Variants in TUSC3 observed in about 807,000 individuals in gnomAD.
The protein encoded by TUSC3 is dolichyl-diphosphooligosaccharide--protein glycosyltransferase subunit TUSC3.
A neutral mutation model predicts 44.8 loss-of-function variants in TUSC3; 45 were observed. The ratio of observed to expected loss-of-function variants is 1.00; its 90% confidence interval spans 0.79 to 1.29. The LOEUF (loss-of-function observed/expected upper bound fraction) is 1.29, where lower values mean the gene tolerates loss of function less well. TUSC3 is among the 50% of genes most tolerant of loss of function. The probability of loss-of-function intolerance (pLI) is 0.00; values close to 1 mark genes in which losing one functional copy is unlikely to be tolerated. For missense variants in TUSC3, 519 were observed against 437.9 expected (o/e 1.19, Z -1.65); for synonymous variants, 212 against 152.9 (o/e 1.39, Z -2.85).
At chr8:15,521,421 CT>C (rs1206808540) in intron 2 of TUSC3, among the ~76,000 whole-genome samples, 3 of 152,078 alleles carry the variant, frequency 2.0e-5, no homozygotes, top group Admixed American at 6.5e-5. Context: ...AAGGCACATC[CT>C]TTACAAGGAT....
chr8:15,508,443 G>A (rs1801087433), intron 2 of TUSC3, among the ~76,000 whole-genome samples: 1 of 145,092 alleles, frequency 6.9e-6, no homozygotes, highest in Non-Finnish European at 1.5e-5. Context: ...AGGTAGTTTA[G>A]GAATCGAAGC....
At chr8:15,763,407 T>G (rs1812231691) in intron 10 of TUSC3, among the ~76,000 whole-genome samples, 1 of 151,906 alleles carries the variant, frequency 6.6e-6, no homozygotes, top group African/African-American at 2.4e-5. Context: ...TGTTGTTTTT[T>G]GTTTTCTTTT....
chr8:15,483,353 T>C (rs2129124764), intron 1 of TUSC3: 1 of 232,436 alleles, frequency 4.3e-6, no homozygotes, highest in African/African-American at 2.3e-5. Context: ...TTGTTTTGTT[T>C]TTTTGAGACG....
intron 2 of TUSC3, among the ~76,000 whole-genome samples, chr8:15,502,513 C>T (rs12548417): frequency 0.24 from 36,655 of 151,710 alleles, 5,065 homozygotes; most frequent in Admixed American, 0.39. Flanking sequence ...TTGTTTGAGA[C>T]GGAGTCTCGC....
the TUSC3 span, among the ~76,000 whole-genome samples, chr8:15,785,932 T>G: frequency 2.6e-5 from 4 of 152,178 alleles, no homozygotes; most frequent in African/African-American, 9.6e-5. Context: ...AAAAAAGAAT[T>G]TCCAACACTA....
chr8:15,806,896 T>C, the TUSC3 span: 2 of 1,294,390 alleles, frequency 1.5e-6, no homozygotes, highest in Non-Finnish European at 2.2e-6. Context: ...AGTAAGACGC[T>C]TACATCTGTT....
In TUSC3 at chr8:15,529,821, C is replaced by T. The variant is rs1320766470; in HGVS notation, n.189+46338C>T. Among the ~76,000 whole-genome samples the T allele has an allele frequency of 4.5e-5, 5 of 110,366 alleles. 1 individual carries two copies. The highest frequency in any genetic ancestry group is 1.2e-4 in the African/African-American group (3 of 25,464). 72.4% of individuals were successfully genotyped at this position (110,366 alleles called of 152,430 possible). ...TTTTTTTTTTTTTGAGACGGAGTCT[C>T]GCTCTGTTGCCCAGGCCGGACTGCG... On this transcript the variant is annotated intron_variant and non_coding_transcript_variant, in intron 2 of 5. Coordinates refer to the TUSC3 transcript ENST00000503191.
At chr8:15,686,997 C>T (rs1032778050) in intron 6 of TUSC3, among the ~76,000 whole-genome samples, 1 of 152,022 alleles carries the variant, frequency 6.6e-6, no homozygotes, top group African/African-American at 2.4e-5. Flanking sequence ...GGCCTGAACC[C>T]GGGAGGCGGA....
intron 1 of TUSC3, among the ~76,000 whole-genome samples, chr8:15,478,185 C>G (rs1447693953): frequency 1.3e-5 from 2 of 152,110 alleles, no homozygotes; most frequent in African/African-American, 4.8e-5. Context: ...AGGCTGGTCT[C>G]AAAGTCCGGG....
At position 15,762,585 on chromosome 8, in the gene TUSC3, G is replaced by A. The variant is rs1264620344; in HGVS notation, c.*47-1618G>A. Among the ~76,000 whole-genome samples the A allele has an allele frequency of 2.6e-5, 4 of 151,990 alleles. No homozygotes were observed. In the South Asian group the frequency reaches 6.2e-4, roughly 24 times the overall value. On this transcript the variant is annotated intron_variant, in intron 10 of 10. Coordinates refer to ENST00000503731, the MANE Select transcript of TUSC3 (RefSeq NM_006765.4). ...TTAGCAGCAATAAAGATTACCTTTAGTGCTCCGTAACTTGAAATCTGCAGA... is the reference window on the plus strand; with the variant it reads ...TTAGCAGCAATAAAGATTACCTTTAATGCTCCGTAACTTGAAATCTGCAGA...
At chr8:15,716,712 G>A (rs1010460499) in intron 6 of TUSC3, among the ~76,000 whole-genome samples, 6 of 152,058 alleles carry the variant, frequency 3.9e-5, no homozygotes, top group African/African-American at 1.4e-4. Flanking sequence ...ACTGCTTACC[G>A]AAAAAGAAAA....
chr8:15,847,550 G>GC, the TUSC3 span, among the ~76,000 whole-genome samples: 2 of 152,074 alleles, frequency 1.3e-5, no homozygotes, highest in African/African-American at 2.4e-5. Context: ...CATTTTCTCT[G>GC]CCCCCCTCTC....
intron 1 of TUSC3, among the ~76,000 whole-genome samples, chr8:15,543,115 G>C (rs1801744488): frequency 6.6e-6 from 1 of 152,100 alleles, no homozygotes; most frequent in African/African-American, 2.4e-5. Flanking sequence ...GATAGCCCAG[G>C]GTTATTTTGA....
intron 1 of TUSC3, among the ~76,000 whole-genome samples, chr8:15,613,101 G>A (rs1804832861): frequency 6.7e-6 from 1 of 148,248 alleles, no homozygotes; most frequent in Non-Finnish European, 1.5e-5. Context: ...TATTTTATAT[G>A]TGTTTGTGTG....
chr8:15,720,364 T>G (rs1205796779), intron 6 of TUSC3, among the ~76,000 whole-genome samples: 1 of 151,920 alleles, frequency 6.6e-6, no homozygotes, highest in African/African-American at 2.4e-5. Flanking sequence ...AAAATTTAAG[T>G]CTCATTGGGC....
At chr8:15,755,272 TAGAA>T (rs1455253792) in intron 9 of TUSC3, among the ~76,000 whole-genome samples, 4 of 152,138 alleles carry the variant, frequency 2.6e-5, no homozygotes, top group Non-Finnish European at 4.4e-5. Flanking sequence ...GTTCAACTAT[TAGAA>T]AGATTACATG....
chr8:15,665,358 A>G lies in TUSC3; in HGVS notation c.708+3062A>G, dbSNP rs548048396. 4.0e-5 allele frequency among the ~76,000 whole-genome samples: 6 copies of G among 151,690 alleles called. No homozygotes were observed. The South Asian group carries it at 6.2e-4, about 16-fold the overall frequency. On this transcript the variant is annotated intron_variant, in intron 5 of 10. Transcript: ENST00000503731. ...TTAGTAAAGGACAAGTCTAGGTACA[A>G]TTAGCAGTTGTGTCTTTTTATCACT...
chr8:15,834,382 C>A, the TUSC3 span, among the ~76,000 whole-genome samples: 1 of 152,030 alleles, frequency 6.6e-6, no homozygotes, highest in African/African-American at 2.4e-5. Context: ...ATAGTTCTGC[C>A]AGAACAAATC....
At chr8:15,662,120 TC>T (rs756911618) in intron 4 of TUSC3, 35 bp from the exon 5 acceptor site, 1 of 1,611,158 alleles carries the variant, frequency 6.2e-7, no homozygotes, top group Non-Finnish European at 8.5e-7. Context: ...ATTTTATTTT[TC>T]TTTCATTTTT....
Sources: allele counts gnomAD v4.1 joint callset (sites outside exome capture counted in the v4.1 genomes callset), GRCh38; gene constraint gnomAD v4.1.1; transcripts MANE v1.5; gene names NCBI Gene and HGNC (gene_info 2026-07-23, HGNC 2026-07-21).